Variants in TTC6 observed in about 807,000 individuals in gnomAD.
TTC6 encodes tetratricopeptide repeat protein 6.
TTC6 carries 172 observed loss-of-function variants against 210.4 expected under a neutral mutation model. The observed-to-expected ratio is 0.82, with a 90% CI of 0.72 to 0.93. The LOEUF (loss-of-function observed/expected upper bound fraction) is 0.93. TTC6 is among the 40% of genes least tolerant of loss of function. The pLI is 0.00. For missense variants in TTC6, 2,414 were observed against 2,318.1 expected (o/e 1.04, Z -0.85); for synonymous variants, 804 against 819.6 (o/e 0.98, Z 0.32).
chr14:37,684,619 G>T (rs1057038667), intron 3 of TTC6, among the ~76,000 whole-genome samples: 1 of 152,062 alleles, frequency 6.6e-6, no homozygotes, highest in Admixed American at 6.6e-5. Context: ...GGATATTGTG[G>T]GACCCTTCAG....
intron 1 of TTC6, among the ~76,000 whole-genome samples, chr14:37,660,875 G>A (rs932572970): frequency 4.6e-5 from 7 of 152,078 alleles, no homozygotes; most frequent in South Asian, 2.1e-4. Flanking sequence ...AATACTGGCC[G>A]TTCTGACTGG....
chr14:37,749,518 T>C (rs1043308064), intron 11 of TTC6, 117 bp downstream of exon 13: 155 of 1,166,340 alleles, frequency 1.3e-4, no homozygotes, highest in Non-Finnish European at 1.4e-4. Flanking sequence ...TGTGGAATTA[T>C]TATAACAGTA....
chr14:37,787,449 A>C lies in TTC6; in HGVS notation c.3267-19A>C, dbSNP rs1324433004. On this transcript the variant is annotated intron_variant, in intron 14 of 30. Transcript: ENST00000553443. The stretch of plus-strand genomic sequence containing the variant: ...TGTATACTTTACAGTACTTGTTAAA[A>C]CAAACTTTTTTTTCCTAGGACATAC... 1 of 1,480,958 alleles carries C rather than the reference A, an allele frequency of 6.8e-7. No homozygotes were observed. 91.7% of individuals were successfully genotyped at this position (1,480,958 alleles called of 1,614,324 possible).
intron 14 of TTC6, among the ~76,000 whole-genome samples, chr14:37,755,749 A>C (rs1200611252): frequency 6.6e-6 from 1 of 152,152 alleles, no homozygotes; most frequent in Non-Finnish European, 1.5e-5. Flanking sequence ...TGTTTTGGTT[A>C]CTGTAGCCTT....
chr14:37,622,410 C>G, exon 1 of TTC6: 1 of 1,534,054 alleles, frequency 6.5e-7, no homozygotes, highest in Non-Finnish European at 8.7e-7. Context: ...CCGGTCGTTT[C>G]GCCCCCGGGA....
At chr14:37,708,680 CTG>C (rs2095839722) in intron 5 of TTC6, among the ~76,000 whole-genome samples, 1 of 152,034 alleles carries the variant, frequency 6.6e-6, no homozygotes, top group Non-Finnish European at 1.5e-5. Context: ...GTTGGATAAT[CTG>C]TGTGAAGCAT....
intron 13 of TTC6, among the ~76,000 whole-genome samples, chr14:37,752,877 T>C (rs1042130261): frequency 6.9e-6 from 1 of 143,916 alleles, no homozygotes; most frequent in Non-Finnish European, 1.5e-5. Flanking sequence ...TATATGCCGG[T>C]TTTTTTTTTC....
intron 1 of TTC6, among the ~76,000 whole-genome samples, chr14:37,651,336 C>T (rs2095710696): frequency 7.4e-6 from 1 of 134,650 alleles, no homozygotes; most frequent in Non-Finnish European, 1.5e-5. Flanking sequence ...CATAGTCAGG[C>T]TTTTTAACTT....
At chr14:37,667,351 C>A (rs925728780) in intron 1 of TTC6, among the ~76,000 whole-genome samples, 4 of 150,536 alleles carry the variant, frequency 2.7e-5, no homozygotes, top group Non-Finnish European at 6.0e-5. Flanking sequence ...TACTATGAAT[C>A]GGATGTGAAT....
chr14:37,739,303 G>A (rs565896565), intron 10 of TTC6, 148 bp downstream of exon 12: 24 of 865,198 alleles, frequency 2.8e-5, no homozygotes, highest in African/African-American at 8.7e-5. Flanking sequence ...CTGGCTGGGC[G>A]CCGTGGCTCA....
intron 24 of TTC6, 143 bp from the exon 27 acceptor site, chr14:37,812,171 C>A (rs2096130985): frequency 1.2e-6 from 1 of 800,994 alleles, no homozygotes; most frequent in Non-Finnish European, 1.9e-6. Flanking sequence ...TTAAATCTAA[C>A]ATATGATTAT....
At chr14:37,772,777 C>A (rs541464276) in intron 14 of TTC6, among the ~76,000 whole-genome samples, 1 of 152,164 alleles carries the variant, frequency 6.6e-6, no homozygotes, top group Admixed American at 6.5e-5. Context: ...GCGTTGCTCA[C>A]GCTGGGAGCT....
At chr14:37,817,365 T>G (rs536495433) in intron 25 of TTC6, among the ~76,000 whole-genome samples, 1 of 152,206 alleles carries the variant, frequency 6.6e-6, no homozygotes, top group African/African-American at 2.4e-5. Flanking sequence ...CAATAATAGG[T>G]TTCCTTTGTT....
In TTC6 at chr14:37,812,247, G is replaced by A. The variant is rs180847461; in HGVS notation, c.4570-67G>A. 1.1e-4 allele frequency: 167 copies of A among 1,515,298 alleles called. No homozygotes were observed. In the African/African-American group the frequency reaches 1.6e-3, roughly 14 times the overall value. 93.9% of individuals were successfully genotyped at this position (1,515,298 alleles called of 1,614,324 possible). ...TGGGTCCTAGTTTGGACATAAATACGTTTGTCCATAGCCAATGAATTCAGG... is the reference window on the plus strand; with the variant it reads ...TGGGTCCTAGTTTGGACATAAATACATTTGTCCATAGCCAATGAATTCAGG... On this transcript the variant is annotated intron_variant, in intron 24 of 30. Coordinates refer to ENST00000553443, the Ensembl canonical transcript of TTC6.
chr14:37,672,821 A>ATTTTTTTTTTTTTTTT (rs377117749), intron 1 of TTC6, among the ~76,000 whole-genome samples: 9 of 129,020 alleles, frequency 7.0e-5, no homozygotes, highest in African/African-American at 2.5e-4. Context: ...TGAATTCCTC[A>ATTTTTTTTTTTTTTTT]TTTTTTTTTT....
At position 37,704,979 on chromosome 14, in the gene TTC6, T is replaced by C. The variant is rs201003107; in HGVS notation, c.1571+3453T>C. On this transcript the variant is annotated intron_variant, in intron 5 of 30. Transcript: ENST00000553443. ...AAATACCTTAAATTCCAACATGTTA[T>C]TGAGTCTATTTATGGATTTCTGTTC... Among the ~76,000 whole-genome samples the C allele has an allele frequency of 2.8e-4, 43 of 152,304 alleles. 1 individual carries two copies. In the East Asian group the frequency reaches 3.1e-3, roughly 11 times the overall value.
At chr14:37,635,383 A>T (rs371515698) in intron 1 of TTC6, among the ~76,000 whole-genome samples, 1 of 152,226 alleles carries the variant, frequency 6.6e-6, no homozygotes, top group Non-Finnish European at 1.5e-5. Context: ...GTTGTTACCC[A>T]TAGGAAGGCA....
At chr14:37,724,797 A>C (rs2138830534) in intron 6 of TTC6, 101 bp from the exon 9 acceptor site, 1 of 641,646 alleles carries the variant, frequency 1.6e-6, no homozygotes, top group Middle Eastern at 3.3e-4. Context: ...TGTGGAACCA[A>C]AAATTCTCAG....
intron 20 of TTC6, among the ~76,000 whole-genome samples, chr14:37,799,769 A>C (rs2096101731): frequency 6.6e-6 from 1 of 152,052 alleles, no homozygotes; most frequent in African/African-American, 2.4e-5. Flanking sequence ...GCCATAAGGA[A>C]ACGAAACCCA....
Sources: allele counts gnomAD v4.1 joint callset (sites outside exome capture counted in the v4.1 genomes callset), GRCh38; gene constraint gnomAD v4.1.1; transcripts MANE v1.5; gene names NCBI Gene and HGNC (gene_info 2026-07-23, HGNC 2026-07-21).